ARHGEF3: variants seen among roughly 807,000 people sequenced by gnomAD.
ARHGEF3 encodes 59.8 kDA protein.
In ARHGEF3, 28 loss-of-function variants were observed where a neutral mutation model predicts 63.2. The ratio of observed to expected loss-of-function variants is 0.44; its 90% CI spans 0.33 to 0.61. The LOEUF (loss-of-function observed/expected upper bound fraction) is 0.61. Ranked by LOEUF, ARHGEF3 falls within the 20% of genes least tolerant of loss-of-function variation. The pLI, the probability that ARHGEF3 is intolerant of heterozygous loss-of-function variation, is 0.03. For synonymous variants in ARHGEF3, 266 were observed against 254.2 expected, an observed-to-expected ratio of 1.05 and a Z score of -0.44; for missense variants, 533 against 659.3, an observed-to-expected ratio of 0.81 and a Z score of 2.10.
intron 2 of ARHGEF3, among the ~76,000 whole-genome samples, chr3:56,959,846 T>C (rs112019224): frequency 0.12 from 17,536 of 152,136 alleles, 1,264 homozygotes; most frequent in East Asian, 0.25. Flanking sequence ...GGCATGCTGG[T>C]GGGCACCTGT....
intron 2 of ARHGEF3, among the ~76,000 whole-genome samples, chr3:56,982,875 C>G (rs1257554958): frequency 6.6e-6 from 1 of 152,034 alleles, no homozygotes; most frequent in African/African-American, 2.4e-5. Context: ...GCAGCCAGCC[C>G]CGCAGTCCAG....
At chr3:56,951,023 G>T (rs1252516840) in intron 3 of ARHGEF3, among the ~76,000 whole-genome samples, 2 of 151,564 alleles carry the variant, frequency 1.3e-5, no homozygotes, top group African/African-American at 4.9e-5. Flanking sequence ...GCAAACTATC[G>T]CAAGGACAAA....
At chr3:56,828,714 G>T (rs1209390400) in intron 4 of ARHGEF3, among the ~76,000 whole-genome samples, 1 of 152,116 alleles carries the variant, frequency 6.6e-6, no homozygotes, top group Non-Finnish European at 1.5e-5. Context: ...ACTGACTCTG[G>T]TCCAGCAGTA....
intron 2 of ARHGEF3, among the ~76,000 whole-genome samples, chr3:56,763,428 G>T (rs1024178340): frequency 6.6e-6 from 1 of 152,194 alleles, no homozygotes; most frequent in Non-Finnish European, 1.5e-5. Flanking sequence ...AACTCCTAGG[G>T]AAAGAAAAGC....
At chr3:56,885,371 A>G (rs2040887159) in intron 3 of ARHGEF3, among the ~76,000 whole-genome samples, 1 of 152,200 alleles carries the variant, frequency 6.6e-6, no homozygotes, top group African/African-American at 2.4e-5. Context: ...GGCACATAGT[A>G]GGTGCACAGT....
chr3:56,737,204 A>G lies in ARHGEF3; in HGVS notation c.1022T>C (p.Leu341Pro), dbSNP rs2033684944. ...SSRVLCCHGE[L>P]KNNRGVKLHV... ...ACTTACCACGCCCCGATTGTTCTTC[A>G]GTTCACCATGACAACACAAGACTCG... Residue 341 changes from leucine (L) to proline (P), a missense_variant, in exon 8 of 10, where the codon CTG becomes CCG. Around this residue, in one of 4 missense-constraint regions of ARHGEF3, gnomAD observed 151 missense variants for 190.7 expected, o/e 0.79. Transcript: ENST00000296315. 1 of 1,613,888 alleles carries G rather than the reference A, an allele frequency of 6.2e-7. No individual in the cohort carries two copies.
intron 3 of ARHGEF3, among the ~76,000 whole-genome samples, chr3:56,754,714 G>C (rs1423670712): frequency 3.3e-5 from 5 of 152,166 alleles, no homozygotes; most frequent in Non-Finnish European, 7.4e-5. Context: ...TTATTTTTGT[G>C]AACTTCAGAA....
At chr3:56,739,808 A>G (rs564382739) in intron 7 of ARHGEF3, among the ~76,000 whole-genome samples, 1 of 152,352 alleles carries the variant, frequency 6.6e-6, no homozygotes, top group South Asian at 2.1e-4. Context: ...AGTTTGACAG[A>G]AGATCTTACA....
intron 8 of ARHGEF3, among the ~76,000 whole-genome samples, 199 bp downstream of exon 8, chr3:56,736,986 T>C (rs552893229): frequency 6.6e-6 from 1 of 152,164 alleles, no homozygotes; most frequent in South Asian, 2.1e-4. Context: ...TTCCAGCTAC[T>C]TGGGAGGCCG....
chr3:56,729,293 T>TG lies in ARHGEF3; in HGVS notation c.1557dup (p.Arg520GlnfsTer4). 1 of 1,613,526 alleles carries TG rather than the reference T, an allele frequency of 6.2e-7. No homozygotes were observed. The highest frequency in any genetic ancestry group is 8.5e-7 in the Non-Finnish European group (1 of 1,179,538). ...TGTCAGACGTTACTTTCACCGTGCC[T>TG]GCTGTTTCCACAGGAAGAGTCTGTC... On this transcript the variant is annotated frameshift_variant, in exon 10 of 10. Coordinates refer to ENST00000296315, the MANE Select transcript of ARHGEF3 (RefSeq NM_019555.3). LOFTEE classifies it high-confidence loss of function.
intron 2 of ARHGEF3, among the ~76,000 whole-genome samples, chr3:57,002,538 A>AT (rs1702290988): frequency 3.9e-5 from 2 of 51,236 alleles, no homozygotes; most frequent in Admixed American, 4.6e-4. Context: ...TTATATATGT[A>AT]ATATATGTTA....
chr3:56,863,766 A>T (rs1374341013), intron 4 of ARHGEF3, among the ~76,000 whole-genome samples: 1 of 152,082 alleles, frequency 6.6e-6, no homozygotes, highest in Non-Finnish European at 1.5e-5. Flanking sequence ...TGCCTGAAAA[A>T]CCGATAGCAC....
At position 57,014,174 on chromosome 3, in the gene ARHGEF3, G is replaced by A. The variant is rs571967910; in HGVS notation, c.62+20914C>T. On this transcript the variant is annotated intron_variant, in intron 2 of 12. Transcript: ENST00000338458. ...GTTTGCAGCTTCACTCTTGAAGCCA[G>A]CAAGACCACGAACCCACCAGAAGGA... Among the ~76,000 whole-genome samples the A allele has an allele frequency of 2.0e-5, 3 of 152,278 alleles. No individual in the cohort carries two copies. The South Asian group carries it at 6.2e-4, about 32-fold the overall frequency.
Position 56,742,670 on chromosome 3 carries a change from GA to G in ARHGEF3, c.870+2534del, listed in dbSNP as rs1046698890. Among the ~76,000 whole-genome samples, 29 of 149,836 alleles carry G rather than the reference GA, an allele frequency of 1.9e-4. 1 individual carries two copies. The highest frequency in any genetic ancestry group is 1.5e-3 in the South Asian group (7 of 4,758). ...GAATGCTATGAGGATTCTGTAAAGGGAAAAAAAAAATCCTGTGCGTATACTG... is the reference window on the plus strand; with the variant it reads ...GAATGCTATGAGGATTCTGTAAAGGGAAAAAAAAATCCTGTGCGTATACTG... On this transcript the variant is annotated intron_variant, in intron 7 of 9. Transcript: ENST00000296315.
intron 2 of ARHGEF3, among the ~76,000 whole-genome samples, chr3:56,992,016 T>A (rs1033945898): frequency 3.3e-5 from 4 of 122,490 alleles, no homozygotes; most frequent in Non-Finnish European, 4.8e-5. Context: ...CTCTCTCCCC[T>A]CCTCTCTCTG....
intron 4 of ARHGEF3, among the ~76,000 whole-genome samples, chr3:56,866,682 T>C (rs1398636415): frequency 3.3e-5 from 5 of 152,242 alleles, no homozygotes; most frequent in African/African-American, 9.6e-5. Flanking sequence ...ATATACTCCT[T>C]TCCACAAGTT....
chr3:57,036,101 A>G (rs1359084910), intron 1 of ARHGEF3, among the ~76,000 whole-genome samples: 3 of 152,108 alleles, frequency 2.0e-5, no homozygotes, highest in Non-Finnish European at 4.4e-5. Flanking sequence ...TTTTGGACAC[A>G]ATTTCAGTGA....
chr3:56,809,835 C>A (rs1287717026), intron 4 of ARHGEF3, among the ~76,000 whole-genome samples: 1 of 151,890 alleles, frequency 6.6e-6, no homozygotes, highest in East Asian at 1.9e-4. Context: ...CAGGTTCAAG[C>A]GATTCTCCTG....
intron 8 of ARHGEF3, among the ~76,000 whole-genome samples, chr3:56,735,588 C>T (rs2033558853): frequency 6.6e-6 from 1 of 152,192 alleles, no homozygotes; most frequent in African/African-American, 2.4e-5. Context: ...AGATAATAGG[C>T]TTACACCCTG....
Sources: gnomAD v4.1 joint callset for allele counts (sites outside exome capture counted in the v4.1 genomes callset) on GRCh38, gnomAD v4.1.1 for gene constraint, gnomAD v4.1.1 regional missense constraint, MANE v1.5 for transcripts, NCBI Gene and HGNC (gene_info 2026-07-23, HGNC 2026-07-21) for gene names.